CTTN: variants seen among roughly 807,000 people sequenced by gnomAD.
CTTN encodes the protein src substrate cortactin.
In CTTN, 28 loss-of-function variants were observed where a neutral mutation model predicts 84.0. The observed-to-expected ratio is 0.33, with a 90% CI of 0.25 to 0.46. The LOEUF is 0.46. CTTN is among the 20% of genes least tolerant of loss of function. The pLI, the probability that CTTN is intolerant of heterozygous loss-of-function variation, is 1.00. For synonymous variants in CTTN, 301 were observed against 288.8 expected (o/e 1.04, Z -0.43); for missense variants, 641 against 723.8 (o/e 0.89, Z 1.31).
chr11:70,406,512 A>T (rs2058042171), intron 2 of CTTN, among the ~76,000 whole-genome samples: 1 of 150,782 alleles, frequency 6.6e-6, no homozygotes, highest in East Asian at 1.9e-4. Context: ...TTCTTTTTAT[A>T]CATAGTTTGA....
chr11:70,426,410 CAAAAAA>C (rs889788502), intron 13 of CTTN, among the ~76,000 whole-genome samples: 2 of 72,678 alleles, frequency 2.8e-5, no homozygotes, highest in East Asian at 8.8e-4. Flanking sequence ...GACTCCGTCT[CAAAAAA>C]AAAAAAAAAA....
Position 70,433,669 on chromosome 11 carries a change from C to T in CTTN, c.1467C>T (p.Tyr489=), listed in dbSNP as rs138763797. The change falls in exon 17 of 18, where the codon TAC becomes TAT. Residue 489 remains tyrosine, a synonymous_variant. Transcript: ENST00000301843. ...TAGAGGACAGCACCTACGATGAGTACGAGAACGATCTGGGGATCACAGCCG... is the reference window on the plus strand; with the variant it reads ...TAGAGGACAGCACCTACGATGAGTATGAGAACGATCTGGGGATCACAGCCG... ...YPAEDSTYDE[Y]ENDLGITAVA... is the part of the protein sequence containing the mutation. The T allele has an allele frequency of 3.6e-4, 587 of 1,613,382 alleles. 1 individual carries two copies. In the African/African-American group the frequency reaches 6.5e-3, roughly 18 times the overall value.
intron 7 of CTTN, 72 bp from the exon 8 acceptor site, chr11:70,416,935 ACTTTTG>A: frequency 1.0e-6 from 1 of 993,574 alleles, no homozygotes; most frequent in Non-Finnish European, 1.6e-6. Flanking sequence ...ACCCCTACAC[ACTTTTG>A]CTTAGTTTAA....
chr11:70,415,135 C>T (rs2058143339), intron 6 of CTTN, among the ~76,000 whole-genome samples: 1 of 152,144 alleles, frequency 6.6e-6, no homozygotes, highest in Non-Finnish European at 1.5e-5. Context: ...GATCAGGAGC[C>T]TGGAGGGAGC....
At chr11:70,422,850 G>T (rs2058254156) in intron 11 of CTTN, 90 bp from the exon 12 acceptor site, 1 of 1,597,136 alleles carries the variant, frequency 6.3e-7, no homozygotes, top group Admixed American at 1.7e-5. Flanking sequence ...CACCTTCTTG[G>T]GCTGTTTCTG....
chr11:70,432,144 A>G (rs2298412), intron 15 of CTTN, among the ~76,000 whole-genome samples: 25,971 of 152,128 alleles, frequency 0.17, 2,647 homozygotes, highest in Admixed American at 0.24. Flanking sequence ...CTCCTTGGCT[A>G]CGCTGCTGCC....
chr11:70,413,573 G>A (rs2135564236), intron 5 of CTTN, among the ~76,000 whole-genome samples: 1 of 152,306 alleles, frequency 6.6e-6, no homozygotes, highest in Non-Finnish European at 1.5e-5. Flanking sequence ...TTACAGAAGA[G>A]CTGGGTGCCG....
intron 14 of CTTN, among the ~76,000 whole-genome samples, chr11:70,430,125 T>C (rs568362959): frequency 2.6e-5 from 4 of 152,230 alleles, no homozygotes; most frequent in East Asian, 1.9e-4. Context: ...GGTTTTCTCT[T>C]CAAAAAGACA....
At chr11:70,410,091 C>T (rs778740373) in intron 5 of CTTN, 131 bp downstream of exon 5, 17 of 877,622 alleles carry the variant, frequency 1.9e-5, no homozygotes, top group Non-Finnish European at 2.7e-5. Context: ...GCGATTTGCC[C>T]GGAGTAGACC....
intron 7 of CTTN, among the ~76,000 whole-genome samples, chr11:70,416,391 T>G (rs2058160737): frequency 6.6e-6 from 1 of 152,150 alleles, no homozygotes; most frequent in Non-Finnish European, 1.5e-5. Context: ...CATGGCTTTC[T>G]TCATATGAGG....
intron 4 of CTTN, among the ~76,000 whole-genome samples, chr11:70,408,545 A>G (rs1043341120): frequency 4.6e-5 from 7 of 152,098 alleles, no homozygotes; most frequent in Admixed American, 4.6e-4. Flanking sequence ...CCATGGGCGC[A>G]CACCACAATG....
At chr11:70,423,389 G>T (rs913109969) in intron 12 of CTTN, among the ~76,000 whole-genome samples, 1 of 152,224 alleles carries the variant, frequency 6.6e-6, no homozygotes, top group Admixed American at 6.5e-5. Context: ...GGCAGCCAGC[G>T]CTGCGTGTGC....
rs1198268637 is a variant in CTTN at position 70,435,465 on chromosome 11, G to A, written c.*303G>A. 2.6e-6 allele frequency: 4 copies of A among 1,542,886 alleles called. No homozygotes were observed. Among genetic ancestry groups the A allele is most frequent in the Non-Finnish European group, 3.5e-6 (4 of 1,151,680 alleles). ...TTGCCAAATTGACTGTCACGCGGCA[G>A]CTTCAGGGAGCTCGCATTCTCTTGT... On this transcript the variant is annotated 3_prime_UTR_variant, in exon 18 of 18. Coordinates refer to ENST00000301843, the MANE Select transcript of CTTN (RefSeq NM_005231.4).
chr11:70,402,180 G>C (rs1591427825), intron 1 of CTTN, among the ~76,000 whole-genome samples: 1 of 152,130 alleles, frequency 6.6e-6, no homozygotes, highest in Non-Finnish European at 1.5e-5. Flanking sequence ...TTGTGTAGAG[G>C]AATTTTTCAC....
intron 6 of CTTN, among the ~76,000 whole-genome samples, chr11:70,415,446 G>A (rs905543547): frequency 6.6e-6 from 1 of 152,202 alleles, no homozygotes; most frequent in African/African-American, 2.4e-5. Flanking sequence ...GATATGGCTT[G>A]GCCTGCGCCG....
At chr11:70,422,792 T>G (rs1290954394) in intron 11 of CTTN, 148 bp from the exon 12 acceptor site, 1 of 1,491,762 alleles carries the variant, frequency 6.7e-7, no homozygotes, top group African/African-American at 1.4e-5. Context: ...AAACTTGCCT[T>G]GCAAGTGAAG....
chr11:70,433,359 G>T lies in CTTN; in HGVS notation c.1444+81G>T, dbSNP rs11825631. 0.018 allele frequency: 25,838 copies of T among 1,397,742 alleles called. 3,836 individuals are homozygous for T. In the African/African-American group the frequency reaches 0.33, roughly 18 times the overall value. The allele number at this position is 1,397,742 out of a possible 1,614,324, so 86.6% of individuals were successfully genotyped here. On this transcript the variant is annotated intron_variant, in intron 16 of 17. Coordinates refer to ENST00000301843, the MANE Select transcript of CTTN (RefSeq NM_005231.4). ...CCTGCTCGACCTGTGGCGTCGTTGC[G>T]AGGAGCGTGGGTTTCCCACTGACAC...
chr11:70,425,750 C>T (rs768973443), intron 13 of CTTN, among the ~76,000 whole-genome samples: 2 of 152,176 alleles, frequency 1.3e-5, no homozygotes, highest in Non-Finnish European at 2.9e-5. Context: ...GCCGCTCGGT[C>T]GCAGCTGTGA....
At position 70,409,964 on chromosome 11, in the gene CTTN, A is replaced by G; in HGVS notation, c.291+4A>G. 1 of 1,613,938 alleles carries G rather than the reference A, an allele frequency of 6.2e-7. No individual in the cohort carries two copies. The highest frequency in any genetic ancestry group is 8.5e-7 in the Non-Finnish European group (1 of 1,180,004). ...GGAACAAGACCGAATGGATAAGGTA[A>G]GTGGCCCGCGGCTGCCTATGCCAGG... On this transcript the variant is annotated splice_donor_region_variant and intron_variant, in intron 5 of 17. Coordinates refer to ENST00000301843, the MANE Select transcript of CTTN (RefSeq NM_005231.4).
Sources: allele counts gnomAD v4.1 joint callset (sites outside exome capture counted in the v4.1 genomes callset), GRCh38; gene constraint gnomAD v4.1.1; transcripts MANE v1.5; gene names NCBI Gene and HGNC (gene_info 2026-07-23, HGNC 2026-07-21).